The following MGMT variants were observed in gnomAD, a reference collection of about 807,000 sequenced individuals.
MGMT encodes the protein O-6-methylguanine-DNA methyltransferase.
Under a neutral mutation model 15.9 loss-of-function variants are expected in MGMT, and 14 were observed. The observed-to-expected ratio is 0.88, with a 90% CI of 0.58 to 1.37. The LOEUF is 1.37. Among genes scored for constraint, MGMT ranks in the 40% most tolerant of loss-of-function variants. The pLI is 0.00. For synonymous variants in MGMT, 130 were observed against 118.2 expected (o/e 1.10, Z -0.65); for missense variants, 282 against 268.1 (o/e 1.05, Z -0.36).
In MGMT at chr10:129,659,367, A is replaced by AT. The variant is rs2133104284; in HGVS notation, c.126-48528_126-48527insT. The stretch of plus-strand genomic sequence containing the variant: ...GCGAGACTCCCTGTGTGGAAAAAAA[A>AT]AAAAAAGATACTCAGATGTAGCTGT... On this transcript the variant is annotated intron_variant, in intron 2 of 4. Coordinates refer to ENST00000651593, the MANE Select transcript of MGMT (RefSeq NM_002412.5). This position sits in a 1 kb window ranked among gnomAD's most constrained non-coding sequence, Gnocchi z 4.1. Among the ~76,000 whole-genome samples, 1 of 152,044 alleles carries AT rather than the reference A, an allele frequency of 6.6e-6. No individual in the cohort carries two copies. Among genetic ancestry groups the AT allele is most frequent in the East Asian group, 1.9e-4 (1 of 5,154 alleles).
chr10:129,740,774 G>T (rs1206114442), intron 3 of MGMT, among the ~76,000 whole-genome samples: 4 of 152,138 alleles, frequency 2.6e-5, no homozygotes, highest in African/African-American at 9.7e-5. Context: ...TCTGGGCCTG[G>T]GAGACTTCTC....
At chr10:129,559,868 C>G (rs1479879369) in intron 2 of MGMT, among the ~76,000 whole-genome samples, 1 of 152,100 alleles carries the variant, frequency 6.6e-6, no homozygotes, top group African/African-American at 2.4e-5. Flanking sequence ...TTTGAAAGGA[C>G]ACAGAATTTT....
intron 2 of MGMT, among the ~76,000 whole-genome samples, chr10:129,543,534 C>T (rs1164094391): frequency 2.6e-5 from 4 of 152,152 alleles, no homozygotes; most frequent in Non-Finnish European, 5.9e-5. Flanking sequence ...CTAAACAATG[C>T]GCAACCTCAC....
intron 3 of MGMT, among the ~76,000 whole-genome samples, chr10:129,757,712 G>A (rs940176852): frequency 6.6e-6 from 1 of 152,134 alleles, no homozygotes; most frequent in Admixed American, 6.5e-5. Flanking sequence ...GTTTTCTGAA[G>A]AAATGACAGT....
At chr10:129,725,037 A>G (rs1363002980) in intron 3 of MGMT, among the ~76,000 whole-genome samples, 2 of 152,198 alleles carry the variant, frequency 1.3e-5, no homozygotes, top group Admixed American at 1.3e-4. Flanking sequence ...GCCCTGCAGG[A>G]TCGGGTGGAT....
At chr10:129,645,118 C>CTTTT (rs10606297) in intron 2 of MGMT, among the ~76,000 whole-genome samples, 6 of 121,950 alleles carry the variant, frequency 4.9e-5, no homozygotes, top group African/African-American at 1.6e-4. Context: ...CCTGAAAGCC[C>CTTTT]TTTTTTTTTT....
intron 2 of MGMT, among the ~76,000 whole-genome samples, chr10:129,616,380 G>A (rs1017065606): frequency 1.4e-4 from 22 of 152,220 alleles, no homozygotes; most frequent in African/African-American, 5.1e-4. Flanking sequence ...TCCCAGAGCA[G>A]GAGGCAGCCA....
intron 2 of MGMT, among the ~76,000 whole-genome samples, chr10:129,603,887 G>C (rs532129181): frequency 9.2e-5 from 14 of 152,320 alleles, no homozygotes; most frequent in African/African-American, 3.4e-4. Flanking sequence ...CAGACTCCTA[G>C]ATTGAAGATA....
At chr10:129,479,052 C>T (rs1419949871) in intron 1 of MGMT, among the ~76,000 whole-genome samples, 8 of 152,152 alleles carry the variant, frequency 5.3e-5, no homozygotes, top group East Asian at 1.9e-4. Flanking sequence ...TCTTACATTT[C>T]GTAAACACGG....
At chr10:129,726,578 C>T (rs1031087775) in intron 3 of MGMT, among the ~76,000 whole-genome samples, 2 of 152,182 alleles carry the variant, frequency 1.3e-5, no homozygotes, top group African/African-American at 2.4e-5. Flanking sequence ...TGGTGTTTTC[C>T]ACAGATCTTT....
intron 1 of MGMT, among the ~76,000 whole-genome samples, chr10:129,519,999 T>C (rs1012764560): frequency 6.6e-6 from 1 of 152,078 alleles, no homozygotes; most frequent in Non-Finnish European, 1.5e-5. Context: ...CAAGACCCTA[T>C]CTCTACCAAA....
intron 1 of MGMT, among the ~76,000 whole-genome samples, chr10:129,514,248 TATCA>T (rs560226805): frequency 8.5e-5 from 13 of 152,258 alleles, no homozygotes; most frequent in Admixed American, 5.2e-4. Flanking sequence ...GATACAATTA[TATCA>T]ATCAATTATT....
intron 2 of MGMT, among the ~76,000 whole-genome samples, chr10:129,655,174 G>A (rs1847510540): frequency 6.6e-6 from 1 of 152,194 alleles, no homozygotes; most frequent in Non-Finnish European, 1.5e-5. Context: ...GTAGGGGTGG[G>A]ACACAGTCCC....
At chr10:129,539,593 G>A (rs2119766043) in intron 2 of MGMT, among the ~76,000 whole-genome samples, 2 of 152,090 alleles carry the variant, frequency 1.3e-5, no homozygotes, top group South Asian at 4.2e-4. Flanking sequence ...TGCAAGCTGT[G>A]CCTCCTGGGT....
chr10:129,541,171 C>T (rs556943057), intron 2 of MGMT, among the ~76,000 whole-genome samples: 9 of 152,380 alleles, frequency 5.9e-5, no homozygotes, highest in South Asian at 4.1e-4. Flanking sequence ...TGTGTGGCTT[C>T]GCACGGGGAC....
At chr10:129,492,758 C>T (rs1040459792) in intron 1 of MGMT, among the ~76,000 whole-genome samples, 3 of 152,196 alleles carry the variant, frequency 2.0e-5, no homozygotes, top group Non-Finnish European at 4.4e-5. Flanking sequence ...TTCCACAGCT[C>T]TATAACATTT....
Position 129,654,082 on chromosome 10 carries a change from C to T in MGMT, c.126-53813C>T, listed in dbSNP as rs965592154. ...ACACCCTACTACTGCACCCTCCACGCCTGTCTGTCCTTGCCCACCTCGGTG... is the reference window on the plus strand; with the variant it reads ...ACACCCTACTACTGCACCCTCCACGTCTGTCTGTCCTTGCCCACCTCGGTG... On this transcript the variant is annotated intron_variant, in intron 2 of 4. Transcript: ENST00000651593. 2.0e-5 allele frequency among the ~76,000 whole-genome samples: 3 copies of T among 152,206 alleles called. No homozygotes were observed. In the East Asian group the frequency reaches 5.8e-4, roughly 29 times the overall value.
intron 1 of MGMT, among the ~76,000 whole-genome samples, chr10:129,513,753 C>G (rs933341690): frequency 6.6e-6 from 1 of 152,198 alleles, no homozygotes; most frequent in Non-Finnish European, 1.5e-5. Context: ...TTTTATCACA[C>G]TCTTGCTGTG....
At chr10:129,617,191 G>A (rs2133072716) in intron 2 of MGMT, among the ~76,000 whole-genome samples, 1 of 152,218 alleles carries the variant, frequency 6.6e-6, no homozygotes, top group South Asian at 2.1e-4. Flanking sequence ...GTACTCAGTG[G>A]TTAGCACCCA....
Sources: gnomAD v4.1 joint callset for allele counts (sites outside exome capture counted in the v4.1 genomes callset) on GRCh38, gnomAD v4.1.1 for gene constraint, Gnocchi (gnomAD v3.1) non-coding constraint, MANE v1.5 for transcripts, NCBI Gene and HGNC (gene_info 2026-07-23, HGNC 2026-07-21) for gene names.